ZFY: variants seen among roughly 807,000 people sequenced by gnomAD.
The protein encoded by ZFY is zinc finger protein Y-linked, also known as zinc finger Y-chromosomal protein.
For missense variants in ZFY, 113 were observed against 170.9 expected, an observed-to-expected ratio of 0.66 and a Z score of 1.89; for synonymous variants, 47 against 55.8, an observed-to-expected ratio of 0.84 and a Z score of 0.71.
chrY:2,961,593 T>C lies in ZFY; in HGVS notation c.581T>C (p.Val194Ala). Residue 194 changes from valine (V) to alanine (A), a missense_variant, in exon 3 of 8, where the codon GTG becomes GCG. Coordinates refer to ENST00000155093, the MANE Select transcript of ZFY (RefSeq NM_003411.4). ...GTCATAGATGCCAGCGGGATCTCAGTGGACCAGCAAGATAATGACAAAGCC... is the reference window on the plus strand; with the variant it reads ...GTCATAGATGCCAGCGGGATCTCAGCGGACCAGCAAGATAATGACAAAGCC... ...EAVIDASGIS[V>A]DQQDNDKASC... The C allele has an allele frequency of 2.5e-6, 1 of 396,958 alleles. No individual in the cohort carries two copies. The highest frequency in any genetic ancestry group is 6.4e-5 in the African/African-American group (1 of 15,636).
intron 1 of ZFY, among the ~76,000 whole-genome samples, chrY:2,940,619 T>TC (rs2051238621): frequency 3.0e-5 from 1 of 33,531 alleles, no homozygotes; most frequent in Admixed American, 2.8e-4. Flanking sequence ...TGCTTCTTTT[T>TC]CCCCAGACTG....
chrY:2,954,431 C>T, intron 2 of ZFY, among the ~76,000 whole-genome samples: 3 of 32,339 alleles, frequency 9.3e-5, no homozygotes, highest in African/African-American at 3.7e-4. Flanking sequence ...CATCTGTAAT[C>T]TCATTGCTTT....
Position 2,979,213 on chromosome Y carries a change from T to C in ZFY, c.1626T>C (p.Phe542=), listed in dbSNP as rs773018706. The change falls in exon 8 of 8, where the codon TTT becomes TTC. Residue 542 remains phenylalanine, a synonymous_variant. Transcript: ENST00000155093. ...TCTTGGCAGTCCACAGCAAGAACTT[T>C]CCTCATATTTGTGTGGAGTGTGGTA... ...RHLLAVHSKN[F]PHICVECGKG... 7.6e-6 allele frequency: 3 copies of C among 397,111 alleles called. No individual in the cohort carries two copies. The highest frequency in any genetic ancestry group is 1.1e-5 in the Non-Finnish European group (3 of 283,356).
chrY:2,937,690 C>G, intron 1 of ZFY, among the ~76,000 whole-genome samples: 1 of 32,395 alleles, frequency 3.1e-5, no homozygotes, highest in Non-Finnish European at 7.5e-5. Flanking sequence ...AAGCAGTTTT[C>G]AGAAATGCAG....
At chrY:2,966,770 C>A in intron 3 of ZFY, 5 of 31,049 alleles carry the variant, frequency 1.6e-4, no homozygotes, top group Non-Finnish European at 3.1e-4. Flanking sequence ...CAAGTCCTCC[C>A]TCCTTCCCTC....
In ZFY at chrY:2,961,422, C is replaced by T. The variant is rs772801696; in HGVS notation, c.410C>T (p.Thr137Met). Residue 137 changes from threonine (T) to methionine (M), a missense_variant, in exon 3 of 8, where the codon ACG (threonine) becomes ATG (methionine). Thr to Met is a moderately conservative substitution (Grantham distance 81). Transcript: ENST00000155093. ...TSMSMPEHVL[T>M]SESMHVCDIG... is the part of the protein sequence containing the mutation. ...ATGTCTATGCCAGAACATGTTTTAA[C>T]GAGTGAATCCATGCATGTGTGTGAC... The T allele has an allele frequency of 1.5e-5, 6 of 399,156 alleles. No individual in the cohort carries two copies. Among genetic ancestry groups the T allele is most frequent in the African/African-American group, 1.2e-4 (2 of 16,332 alleles).
chrY:2,976,653 A>G lies in ZFY; in HGVS notation c.929-17A>G. On this transcript the variant is annotated splice_polypyrimidine_tract_variant and intron_variant, in intron 5 of 7. Coordinates refer to ENST00000155093, the MANE Select transcript of ZFY (RefSeq NM_003411.4). The stretch of plus-strand genomic sequence containing the variant: ...TAAACCTAGTCACAAAAAATTTTTT[A>G]TTTATTTTGTGCTTAGATGTTGCTG... 1 of 373,486 alleles carries G rather than the reference A, an allele frequency of 2.7e-6. No individual in the cohort carries two copies. Among genetic ancestry groups the G allele is most frequent in the South Asian group, 3.3e-5 (1 of 30,159 alleles). The allele number at this position is 373,486 out of a possible 400,897, so 93.2% of individuals were successfully genotyped here. A position where few individuals can be genotyped will look rare whatever the true frequency, so the allele number is the denominator to read the frequency against.
chrY:2,952,716 G>A (rs1006386662), intron 1 of ZFY, among the ~76,000 whole-genome samples: 2 of 33,740 alleles, frequency 5.9e-5, no homozygotes, highest in African/African-American at 2.3e-4. Context: ...CAGTAAGGGA[G>A]CTGGACATAG....
At chrY:2,944,363 T>A in intron 1 of ZFY, among the ~76,000 whole-genome samples, 2 of 32,139 alleles carry the variant, frequency 6.2e-5, no homozygotes, top group Non-Finnish European at 1.5e-4. Context: ...TTTTTTTTTT[T>A]AATATAAAGG....
chrY:2,965,830 A>G (rs780086135), intron 3 of ZFY, among the ~76,000 whole-genome samples: 1 of 34,034 alleles, frequency 2.9e-5, no homozygotes, highest in African/African-American at 1.1e-4. Context: ...GAATATTTCA[A>G]CATGCATGTG....
intron 2 of ZFY, among the ~76,000 whole-genome samples, chrY:2,957,882 A>AC (rs2051298107): frequency 3.0e-5 from 1 of 33,509 alleles, no homozygotes; most frequent in East Asian, 7.7e-4. Context: ...CTCTGGATGC[A>AC]CCCAATTTGA....
At chrY:2,943,321 C>T in intron 1 of ZFY, among the ~76,000 whole-genome samples, 1 of 34,468 alleles carries the variant, frequency 2.9e-5, no homozygotes, top group Non-Finnish European at 7.3e-5. Context: ...CAGTCTCGCT[C>T]TGTTGCCCAG....
At chrY:2,973,415 C>T (rs2051355003) in intron 3 of ZFY, among the ~76,000 whole-genome samples, 1 of 33,018 alleles carries the variant, frequency 3.0e-5, no homozygotes, top group Non-Finnish European at 7.4e-5. Context: ...AGTTGTGAAT[C>T]ATTGTTTAAT....
At chrY:2,939,189 A>G (rs572069647) in intron 1 of ZFY, among the ~76,000 whole-genome samples, 253 of 29,972 alleles carry the variant, frequency 8.4e-3, no homozygotes, top group Non-Finnish European at 0.018. Context: ...TATGATACAT[A>G]TGTTTGATCT....
At chrY:2,966,816 C>G in intron 3 of ZFY, 2 of 23,814 alleles carry the variant, frequency 8.4e-5, no homozygotes, top group African/African-American at 4.5e-4. Flanking sequence ...CTTTCCTTCT[C>G]TTCCATCCAT....
At position 2,980,112 on chromosome Y, in the gene ZFY, T is replaced by A; in HGVS notation, c.*119T>A. On this transcript the variant is annotated 3_prime_UTR_variant, in exon 8 of 8. Coordinates refer to ENST00000155093, the MANE Select transcript of ZFY (RefSeq NM_003411.4). ...ATTATGCTGTGTAAAAATAGAATTA[T>A]TGCTTCTAGTCCACTTTTCTTTACA... The A allele has an allele frequency of 4.5e-6, 1 of 219,829 alleles. No individual in the cohort carries two copies. Among genetic ancestry groups the A allele is most frequent in the Non-Finnish European group, 7.5e-6 (1 of 132,819 alleles). 54.8% of individuals were successfully genotyped at this position (219,829 alleles called of 400,897 possible). A position where few individuals can be genotyped will look rare whatever the true frequency, so the allele number is the denominator to read the frequency against.
At position 2,978,999 on chromosome Y, in the gene ZFY, T is replaced by C; in HGVS notation, c.1412T>C (p.Leu471Pro). 1 of 399,003 alleles carries C rather than the reference T, an allele frequency of 2.5e-6. No homozygotes were observed. Among genetic ancestry groups the C allele is most frequent in the Non-Finnish European group, 3.5e-6 (1 of 283,755 alleles). ...AAGAAGATAAGTTTACATAACCACC[T>C]GGAGAGCCACAAGCTGACCAGCAAG... ...TNKKISLHNH[L>P]ESHKLTSKAE... Residue 471 changes from leucine (L) to proline (P), a missense_variant, in exon 8 of 8, where the codon CTG becomes CCG. Coordinates refer to ENST00000155093, the MANE Select transcript of ZFY (RefSeq NM_003411.4).
At chrY:2,945,695 C>CT (rs2051260480) in intron 1 of ZFY, among the ~76,000 whole-genome samples, 2 of 32,976 alleles carry the variant, frequency 6.1e-5, no homozygotes, top group African/African-American at 1.2e-4. Flanking sequence ...AGGCTGGTCT[C>CT]TAACGCCTGA....
At chrY:2,951,442 T>C (rs2051278122) in intron 1 of ZFY, among the ~76,000 whole-genome samples, 1 of 32,656 alleles carries the variant, frequency 3.1e-5, no homozygotes, top group Admixed American at 2.9e-4. Context: ...GATCAGAAAA[T>C]AGGAAGCTTA....
Sources: allele counts gnomAD v4.1 joint callset (sites outside exome capture counted in the v4.1 genomes callset), GRCh38; gene constraint gnomAD v4.1.1; transcripts MANE v1.5; gene names NCBI Gene and HGNC (gene_info 2026-07-23, HGNC 2026-07-21).